Variants in GRID1 observed in about 807,000 individuals in gnomAD.
GRID1 encodes glutamate receptor ionotropic, delta-1.
Under a neutral mutation model 98.0 loss-of-function variants are expected in GRID1, and 28 were observed. The observed-to-expected ratio is 0.29, with a 90% confidence interval of 0.21 to 0.39. The LOEUF is 0.39. Ranked by LOEUF, GRID1 falls within the 10% of genes least tolerant of loss-of-function variation. The probability of loss-of-function intolerance (pLI) is 1.00; values close to 1 mark genes in which losing one functional copy is unlikely to be tolerated. For synonymous variants in GRID1, 553 were observed against 538.5 expected (o/e 1.03, Z -0.37); for missense variants, 1,111 against 1,340.5 (o/e 0.83, Z 2.67).
At chr10:86,335,073 G>A (rs956848632) in intron 2 of GRID1, among the ~76,000 whole-genome samples, 1 of 152,208 alleles carries the variant, frequency 6.6e-6, no homozygotes, top group Non-Finnish European at 1.5e-5. Context: ...CAGAGCATAG[G>A]GGAAATCACT....
At chr10:86,099,903 G>C (rs1589370938) in intron 4 of GRID1, among the ~76,000 whole-genome samples, 2 of 152,310 alleles carry the variant, frequency 1.3e-5, no homozygotes, top group East Asian at 3.9e-4. Flanking sequence ...CAGATAACTG[G>C]GAGGGGTATC....
At chr10:86,150,115 C>T (rs1246530491) in intron 3 of GRID1, among the ~76,000 whole-genome samples, 1 of 152,214 alleles carries the variant, frequency 6.6e-6, no homozygotes, top group African/African-American at 2.4e-5. Flanking sequence ...AGTCCTGCTG[C>T]TTTGATGCCA....
intron 4 of GRID1, among the ~76,000 whole-genome samples, chr10:86,131,287 C>A (rs939888040): frequency 3.3e-5 from 5 of 152,156 alleles, no homozygotes; most frequent in East Asian, 1.9e-4. Flanking sequence ...GAGGCCCCCC[C>A]AAGGCTGAAC....
chr10:86,040,988 T>C (rs2352429), intron 4 of GRID1, among the ~76,000 whole-genome samples: 109,024 of 152,022 alleles, frequency 0.72, 39,265 homozygotes, highest in East Asian at 0.85. Flanking sequence ...CTGCACAACT[T>C]GGCTCTCTCT....
chr10:86,324,127 C>T (rs1848010150), intron 2 of GRID1, among the ~76,000 whole-genome samples: 1 of 151,796 alleles, frequency 6.6e-6, no homozygotes, highest in African/African-American at 2.4e-5. Flanking sequence ...TGCAGTGAGC[C>T]GAAATTGTGC....
intron 13 of GRID1, among the ~76,000 whole-genome samples, chr10:85,640,674 C>A (rs1412955292): frequency 6.6e-6 from 1 of 152,212 alleles, no homozygotes; most frequent in Non-Finnish European, 1.5e-5. Flanking sequence ...TAGGGATCAG[C>A]TTCTCTGCCA....
chr10:85,708,378 T>A (rs1841546790), intron 12 of GRID1, among the ~76,000 whole-genome samples: 1 of 149,576 alleles, frequency 6.7e-6, no homozygotes, highest in Admixed American at 6.7e-5. Flanking sequence ...CACTCCAGCC[T>A]GGGGCACAAA....
chr10:86,351,842 G>A (rs1848466694), intron 2 of GRID1, among the ~76,000 whole-genome samples: 2 of 152,218 alleles, frequency 1.3e-5, no homozygotes, highest in Admixed American at 1.3e-4. Flanking sequence ...CACCTCCTTG[G>A]TGCCAGGCAC....
chr10:86,332,036 C>A (rs1848150054), intron 2 of GRID1, among the ~76,000 whole-genome samples: 1 of 152,188 alleles, frequency 6.6e-6, no homozygotes. Flanking sequence ...CAGGGCACGC[C>A]TGCAACACCA....
At chr10:85,802,810 C>T (rs1207839875) in intron 8 of GRID1, among the ~76,000 whole-genome samples, 1 of 147,524 alleles carries the variant, frequency 6.8e-6, no homozygotes, top group African/African-American at 2.5e-5. Flanking sequence ...TGCAATCTCA[C>T]CAGAACTCCA....
Position 86,342,469 on chromosome 10 carries a change from C to T in GRID1, c.235+21472G>A, listed in dbSNP as rs150707371. 2.7e-4 allele frequency among the ~76,000 whole-genome samples: 41 copies of T among 152,362 alleles called. No homozygotes were observed. In the East Asian group the frequency reaches 6.2e-3, roughly 23 times the overall value. On this transcript the variant is annotated intron_variant, in intron 2 of 15. Coordinates refer to ENST00000327946, the MANE Select transcript of GRID1 (RefSeq NM_017551.3). ...TCCTCACCCAAGGTCTGTCAAGCCTCAGAAGTCTTTTGGGCAACTTGGCTG... is the reference window on the plus strand; with the variant it reads ...TCCTCACCCAAGGTCTGTCAAGCCTTAGAAGTCTTTTGGGCAACTTGGCTG...
intron 8 of GRID1, among the ~76,000 whole-genome samples, chr10:85,794,506 G>A (rs1443067461): frequency 3.9e-5 from 6 of 152,062 alleles, no homozygotes; most frequent in Admixed American, 1.3e-4. Flanking sequence ...TGATTAAATG[G>A]ATCTTCACAG....
intron 5 of GRID1, among the ~76,000 whole-genome samples, chr10:85,908,257 T>C (rs1027629944): frequency 1.1e-4 from 16 of 152,148 alleles, no homozygotes; most frequent in African/African-American, 3.9e-4. Context: ...CCAGAGGACA[T>C]GATAGTCAAG....
At chr10:86,038,009 C>T (rs1843292612) in intron 4 of GRID1, among the ~76,000 whole-genome samples, 1 of 151,926 alleles carries the variant, frequency 6.6e-6, no homozygotes, top group Admixed American at 6.5e-5. Context: ...TGACTGGTGT[C>T]CTTATAAGAA....
At chr10:85,768,524 T>C (rs1022921807) in intron 8 of GRID1, among the ~76,000 whole-genome samples, 2 of 152,130 alleles carry the variant, frequency 1.3e-5, no homozygotes, top group African/African-American at 4.8e-5. Flanking sequence ...ATAAAACTCC[T>C]ATAAATAAAC....
intron 4 of GRID1, among the ~76,000 whole-genome samples, chr10:85,976,182 GT>G (rs886391271): frequency 4.8e-4 from 73 of 151,604 alleles, no homozygotes; most frequent in Non-Finnish European, 8.5e-4. Flanking sequence ...TTTGATTATT[GT>G]TTTTTTTGTT....
chr10:85,952,477 G>A (rs1316944578), intron 4 of GRID1, among the ~76,000 whole-genome samples: 1 of 152,142 alleles, frequency 6.6e-6, no homozygotes, highest in African/African-American at 2.4e-5. Flanking sequence ...CATCTGTGAT[G>A]AAACAGGCAC....
At chr10:86,196,697 T>A (rs1467044969) in intron 3 of GRID1, among the ~76,000 whole-genome samples, 2 of 151,962 alleles carry the variant, frequency 1.3e-5, no homozygotes, top group Admixed American at 1.3e-4. Context: ...GCTGGCCACA[T>A]CTAAACTACA....
At chr10:86,301,602 C>T (rs57481702) in intron 2 of GRID1, among the ~76,000 whole-genome samples, 8,249 of 152,192 alleles carry the variant, frequency 0.054, 408 homozygotes, top group African/African-American at 0.13. Flanking sequence ...AACCTTGTAT[C>T]CCCACCTTCC....
Sources: gnomAD v4.1 joint callset for allele counts (sites outside exome capture counted in the v4.1 genomes callset) on GRCh38, gnomAD v4.1.1 for gene constraint, MANE v1.5 for transcripts, NCBI Gene and HGNC (gene_info 2026-07-23, HGNC 2026-07-21) for gene names.